Variants in RAMP1 observed in about 807,000 individuals in gnomAD.
The protein encoded by RAMP1 is receptor activity-modifying protein 1.
In RAMP1, 7 loss-of-function variants were observed where a neutral mutation model predicts 8.2. The observed-to-expected ratio is 0.85, with a 90% CI of 0.49 to 1.60. RAMP1 has a LOEUF of 1.60. Ranked by LOEUF, RAMP1 falls within the 40% of genes most tolerant of loss-of-function variation. The probability of loss-of-function intolerance (pLI) is 0.00; values close to 1 mark genes in which losing one functional copy is unlikely to be tolerated. For missense variants in RAMP1, 192 were observed against 202.4 expected, an observed-to-expected ratio of 0.95 and a Z score of 0.31; for synonymous variants, 92 against 84.7, an observed-to-expected ratio of 1.09 and a Z score of -0.47.
intron 2 of RAMP1, among the ~76,000 whole-genome samples, chr2:237,894,565 G>A (rs1002244150): frequency 6.6e-6 from 1 of 152,214 alleles, no homozygotes; most frequent in South Asian, 2.1e-4. Flanking sequence ...ACCAGCGCCT[G>A]AATCCCCCGC....
chr2:237,901,874 A>G (rs2062601187), intron 2 of RAMP1, among the ~76,000 whole-genome samples: 1 of 152,148 alleles, frequency 6.6e-6, no homozygotes, highest in South Asian at 2.1e-4. Context: ...CACTACAGAA[A>G]AGTGGAAGCT....
At position 237,911,474 on chromosome 2, in the gene RAMP1, C is replaced by T. The variant is rs575008019; in HGVS notation, c.192-54C>T. Reference sequence around the variant, plus strand: ...GGTGCAGCAGCCCGGGCTGGGGTCCCGCGTTGGATCCCCCGCCTGCCCAGG... The same window carrying T: ...GGTGCAGCAGCCCGGGCTGGGGTCCTGCGTTGGATCCCCCGCCTGCCCAGG... On this transcript the variant is annotated intron_variant, in intron 2 of 2. Coordinates refer to ENST00000254661, the MANE Select transcript of RAMP1 (RefSeq NM_005855.4). 1.8e-5 allele frequency: 28 copies of T among 1,596,240 alleles called. No individual in the cohort carries two copies. In the Middle Eastern group the frequency reaches 8.4e-4, roughly 48 times the overall value.
intron 2 of RAMP1, among the ~76,000 whole-genome samples, chr2:237,908,410 C>CTGGTGGTGGTAGTGGTAG: frequency 6.7e-6 from 1 of 149,126 alleles, no homozygotes; most frequent in African/African-American, 2.5e-5. Context: ...GAAGAGACCT[C>CTGGTGGTGGTAGTGGTAG]TGGTGGTGGT....
chr2:237,899,501 CA>C (rs2062577122), intron 2 of RAMP1, among the ~76,000 whole-genome samples: 2 of 152,202 alleles, frequency 1.3e-5, no homozygotes, highest in South Asian at 4.1e-4. Context: ...AATGACGGTA[CA>C]TTTTTTTCCC....
chr2:237,909,212 G>C (rs1438555649), intron 2 of RAMP1, among the ~76,000 whole-genome samples: 2 of 152,198 alleles, frequency 1.3e-5, no homozygotes, highest in Non-Finnish European at 2.9e-5. Context: ...GCGAGGGACA[G>C]TGGTGAGGTG....
rs183314471 is a variant in RAMP1, at chr2:237,859,806, G to A, written c.52+79G>A. 7,323 of 1,010,964 alleles carry A rather than the reference G, an allele frequency of 7.2e-3. 75 individuals carry two copies. In the East Asian group the frequency reaches 0.082, roughly 11 times the overall value. The allele number at this position is 1,010,964 out of a possible 1,614,324, so 62.6% of individuals were successfully genotyped here. On this transcript the variant is annotated intron_variant, in intron 1 of 2. Transcript: ENST00000254661. ...CCTCTAGGGGAGAGGAGGGGAGCGG[G>A]TGGGAGCGGGTGGGAGCGGGTGGGG...
At chr2:237,911,458 G>A in intron 2 of RAMP1, 70 bp from the exon 3 acceptor site, 1 of 1,576,370 alleles carries the variant, frequency 6.3e-7, no homozygotes, top group Non-Finnish European at 8.6e-7. Flanking sequence ...CGGTGCAGCA[G>A]CCCGGGCTGG....
intron 1 of RAMP1, among the ~76,000 whole-genome samples, chr2:237,866,467 G>A (rs1304335291): frequency 2.6e-5 from 4 of 152,044 alleles, no homozygotes; most frequent in Non-Finnish European, 2.9e-5. Flanking sequence ...TTCTCCAGTC[G>A]TACTGTGTTG....
At chr2:237,873,400 G>A (rs1031742955) in intron 1 of RAMP1, among the ~76,000 whole-genome samples, 3 of 152,198 alleles carry the variant, frequency 2.0e-5, no homozygotes, top group African/African-American at 7.2e-5. Context: ...GTGTCCAGGG[G>A]TCCCCTGTGG....
At chr2:237,874,802 C>A in intron 1 of RAMP1, 1 of 710,850 alleles carries the variant, frequency 1.4e-6, no homozygotes, top group Non-Finnish European at 1.7e-6. Context: ...GATGAGAGGG[C>A]AGCCAAGAGG....
chr2:237,889,191 T>C (rs761380736), intron 2 of RAMP1, among the ~76,000 whole-genome samples: 1 of 152,242 alleles, frequency 6.6e-6, no homozygotes, highest in Non-Finnish European at 1.5e-5. Context: ...TGTGAACACA[T>C]GGATGCTCCC....
intron 2 of RAMP1, among the ~76,000 whole-genome samples, chr2:237,894,348 C>T (rs1193834317): frequency 6.6e-6 from 1 of 152,200 alleles, no homozygotes; most frequent in African/African-American, 2.4e-5. Flanking sequence ...TATCCCCAAG[C>T]CTAATGGACA....
chr2:237,877,121 C>T lies in RAMP1; in HGVS notation c.53-103C>T. ...CCCTCTCCAGGGGTTGCTTAGAGGC[C>T]CCGTTCTCGTGGAGTCCGGGCTGCA... is the stretch of plus-strand genomic sequence containing the variant. On this transcript the variant is annotated intron_variant, in intron 1 of 2. Transcript: ENST00000254661. The surrounding 1 kb of genome is among the most constrained non-coding windows in gnomAD (Gnocchi z 4.4). 6.7e-7 allele frequency: 1 copy of T among 1,484,878 alleles called. No homozygotes were observed. The highest frequency in any genetic ancestry group is 9.3e-7 in the Non-Finnish European group (1 of 1,078,728). 92.0% of individuals were successfully genotyped at this position (1,484,878 alleles called of 1,614,324 possible). A position where few individuals can be genotyped will look rare whatever the true frequency, so the allele number is the denominator to read the frequency against.
rs1363751474 is a variant in RAMP1, at chr2:237,878,305, G to A, written c.191+943G>A. 2.6e-5 allele frequency among the ~76,000 whole-genome samples: 4 copies of A among 152,250 alleles called. No homozygotes were observed. In the East Asian group the frequency reaches 7.7e-4, roughly 29 times the overall value. On this transcript the variant is annotated intron_variant, in intron 2 of 2. Transcript: ENST00000254661. The surrounding 1 kb of genome is among the most constrained non-coding windows in gnomAD (Gnocchi z 5.7). Reference sequence around the variant, plus strand: ...GGTGGGGAGGGCCAGGGGCAGGGAGGAGGGCCTCGGGAGGGTCTTCACGGA... The same window carrying A: ...GGTGGGGAGGGCCAGGGGCAGGGAGAAGGGCCTCGGGAGGGTCTTCACGGA...
intron 2 of RAMP1, among the ~76,000 whole-genome samples, chr2:237,908,026 A>G (rs554349372): frequency 2.6e-5 from 4 of 152,334 alleles, no homozygotes; most frequent in Non-Finnish European, 4.4e-5. Context: ...TGTCATTGTT[A>G]TGGTTATCTT....
At chr2:237,899,704 A>G (rs1212497946) in intron 2 of RAMP1, among the ~76,000 whole-genome samples, 1 of 152,274 alleles carries the variant, frequency 6.6e-6, no homozygotes, top group Admixed American at 6.5e-5. Flanking sequence ...GACGCATGTC[A>G]TGCCATCTCA....
chr2:237,875,998 C>T (rs1025386823), intron 1 of RAMP1, among the ~76,000 whole-genome samples: 1 of 152,334 alleles, frequency 6.6e-6, no homozygotes. Flanking sequence ...GCCATGGGAC[C>T]TGGGGCCGAG....
rs531227644 is a variant in RAMP1 at position 237,907,716 on chromosome 2, T to C, written c.192-3812T>C. ...TCTGTTCATGCATATTGTCTGCCAT[T>C]TCCACTAGACCCGTTGTCATACTAG... On this transcript the variant is annotated intron_variant, in intron 2 of 2. Coordinates refer to ENST00000254661, the MANE Select transcript of RAMP1 (RefSeq NM_005855.4). 8.5e-5 allele frequency among the ~76,000 whole-genome samples: 13 copies of C among 152,348 alleles called. No individual in the cohort carries two copies. The South Asian group carries it at 1.9e-3, about 22-fold the overall frequency.
At chr2:237,876,702 T>C (rs2062308968) in intron 1 of RAMP1, among the ~76,000 whole-genome samples, 1 of 151,958 alleles carries the variant, frequency 6.6e-6, no homozygotes, top group Non-Finnish European at 1.5e-5. Context: ...TCAATCCTGA[T>C]TCTGTGCGGG....
Sources: gnomAD v4.1 joint callset for allele counts (sites outside exome capture counted in the v4.1 genomes callset) on GRCh38, gnomAD v4.1.1 for gene constraint, Gnocchi (gnomAD v3.1) non-coding constraint, MANE v1.5 for transcripts, NCBI Gene and HGNC (gene_info 2026-07-23, HGNC 2026-07-21) for gene names.